Variants in RIMS3 observed in about 807,000 individuals in gnomAD.
RIMS3 encodes regulating synaptic membrane exocytosis 3.
In RIMS3, 15 loss-of-function variants were observed where a neutral mutation model predicts 29.2. That is an observed-to-expected ratio of 0.51 (90% CI 0.34 to 0.79). RIMS3 has a LOEUF of 0.79. Among genes scored for constraint, RIMS3 ranks in the 30% least tolerant of loss-of-function variants. The pLI, the probability that RIMS3 is intolerant of heterozygous loss-of-function variation, is 0.01. For synonymous variants in RIMS3, 161 were observed against 170.1 expected (o/e 0.95, Z 0.41); for missense variants, 342 against 421.4 (o/e 0.81, Z 1.65).
At chr1:40,690,112 A>G in the RIMS3 span, among the ~76,000 whole-genome samples, 3 of 152,348 alleles carry the variant, frequency 2.0e-5, no homozygotes, top group African/African-American at 7.2e-5. Flanking sequence ...GCAGCCCCTA[A>G]GTGTGATCAA....
rs778330166 is a variant in RIMS3, at chr1:40,654,559, A to C, written c.-206-6717T>G. Among the ~76,000 whole-genome samples, 139 of 152,012 alleles carry C rather than the reference A, an allele frequency of 9.1e-4. No individual in the cohort carries two copies. The highest frequency in any genetic ancestry group is 1.7e-3 in the Non-Finnish European group (114 of 67,996). ...AGGCACTCACAGAGCACACACATGC[A>C]CACAAAAACACACCTTGTGCACCAC... is the stretch of plus-strand genomic sequence containing the variant. On this transcript the variant is annotated intron_variant, in intron 1 of 7. Transcript: ENST00000372684. The surrounding 1 kb of genome is among the most constrained non-coding windows in gnomAD (Gnocchi z 5.3).
At chr1:40,684,776 T>C in the RIMS3 span, among the ~76,000 whole-genome samples, 2 of 152,154 alleles carry the variant, frequency 1.3e-5, no homozygotes, top group African/African-American at 4.8e-5. Context: ...GAGTGGATTG[T>C]TATAGCCAGC....
At chr1:40,677,050 G>C in the RIMS3 span, among the ~76,000 whole-genome samples, 13 of 150,608 alleles carry the variant, frequency 8.6e-5, no homozygotes, top group African/African-American at 3.2e-4. Context: ...CCAGGCTGGA[G>C]TGCAGTGGTG....
At chr1:40,638,612 C>T (rs916673896) in intron 3 of RIMS3, among the ~76,000 whole-genome samples, 2 of 152,186 alleles carry the variant, frequency 1.3e-5, no homozygotes, top group African/African-American at 4.8e-5. Flanking sequence ...TCCCAGAGTC[C>T]AGAAGGGGAA....
chr1:40,632,846 G>T (rs1404328800), intron 5 of RIMS3, among the ~76,000 whole-genome samples: 2 of 152,144 alleles, frequency 1.3e-5, no homozygotes, highest in Non-Finnish European at 2.9e-5. Context: ...TCTAATAGGA[G>T]CTCAGTAAAG....
At chr1:40,656,843 A>G (rs535955431) in intron 1 of RIMS3, among the ~76,000 whole-genome samples, 1 of 152,094 alleles carries the variant, frequency 6.6e-6, no homozygotes. Flanking sequence ...CCCTTGGACA[A>G]TCTTGGACTT....
the RIMS3 span, among the ~76,000 whole-genome samples, chr1:40,686,284 A>T: frequency 6.6e-6 from 1 of 152,188 alleles, no homozygotes; most frequent in East Asian, 1.9e-4. Flanking sequence ...ACTTGAACTC[A>T]TGACTTCTCC....
rs1261332655 is a variant in RIMS3, at chr1:40,636,025, G to A, written c.250C>T (p.Arg84Cys). 11 of 1,606,510 alleles carry A rather than the reference G, an allele frequency of 6.8e-6. No homozygotes were observed. The highest frequency in any genetic ancestry group is 1.7e-4 in the Middle Eastern group (1 of 6,058). The change falls in exon 4 of 8, where the codon CGC (arginine) becomes TGC (cysteine). Residue 84 changes from arginine (R) to cysteine (C), a missense_variant. By Grantham distance (180) the Arg-to-Cys change is radical. Transcript: ENST00000372684. The surrounding 1 kb of genome is among the most constrained non-coding windows in gnomAD (Gnocchi z 4.2). ...GATKKLRSNI[R>C]RSTETGIAVE... The stretch of plus-strand genomic sequence containing the variant: ...GCGATGCCTGTCTCCGTGCTCCGGC[G>A]GATGTTGCTGCGCAGCTTCTTGGTG...
chr1:40,675,996 A>G, the RIMS3 span, among the ~76,000 whole-genome samples: 1 of 152,170 alleles, frequency 6.6e-6, no homozygotes, highest in African/African-American at 2.4e-5. Context: ...AAGTAGGATC[A>G]GAGACCAAGA....
the RIMS3 span, among the ~76,000 whole-genome samples, chr1:40,671,239 G>T: frequency 3.0e-4 from 45 of 152,166 alleles, no homozygotes; most frequent in Non-Finnish European, 5.7e-4. Flanking sequence ...ATGATGCCTA[G>T]GCCTTGGGGG....
intron 2 of RIMS3, among the ~76,000 whole-genome samples, chr1:40,643,290 C>G (rs1320717626): frequency 2.0e-5 from 3 of 151,954 alleles, no homozygotes; most frequent in Non-Finnish European, 2.9e-5. Flanking sequence ...CGCCACCAAG[C>G]CTGGCTAATG....
chr1:40,659,797 T>TTG (rs1280739297), intron 1 of RIMS3, among the ~76,000 whole-genome samples: 1 of 152,038 alleles, frequency 6.6e-6, no homozygotes, highest in Non-Finnish European at 1.5e-5. Context: ...CATTCCAGGA[T>TTG]TGGGGACAAC....
At chr1:40,650,340 G>A (rs955910746) in intron 1 of RIMS3, among the ~76,000 whole-genome samples, 4 of 152,178 alleles carry the variant, frequency 2.6e-5, no homozygotes, top group South Asian at 2.1e-4. Flanking sequence ...GAACAATACC[G>A]CCTGAGTCAG....
At chr1:40,691,715 G>C in the RIMS3 span, 3 of 454,304 alleles carry the variant, frequency 6.6e-6, no homozygotes, top group Non-Finnish European at 1.3e-5. Context: ...CAAACGGCGT[G>C]GCCGCCATCT....
rs1219585994 is a variant in RIMS3, at chr1:40,635,540, C to G, written c.359+376G>C. 1.3e-5 allele frequency among the ~76,000 whole-genome samples: 2 copies of G among 152,186 alleles called. No individual in the cohort carries two copies. The highest frequency in any genetic ancestry group is 4.8e-5 in the African/African-American group (2 of 41,440). On this transcript the variant is annotated intron_variant, in intron 4 of 7. Coordinates refer to ENST00000372684, the MANE Select transcript of RIMS3 (RefSeq NM_014747.3). This position sits in a 1 kb window ranked among gnomAD's most constrained non-coding sequence, Gnocchi z 4.1. ...CTAAGCAAGCCTCCTTGAGAAAATTCCACTCATCTGGGCCACAACAATGGT... is the reference window on the plus strand; with the variant it reads ...CTAAGCAAGCCTCCTTGAGAAAATTGCACTCATCTGGGCCACAACAATGGT...
intron 2 of RIMS3, among the ~76,000 whole-genome samples, chr1:40,643,593 T>C (rs850009): frequency 0.78 from 118,717 of 151,600 alleles, 47,170 homozygotes; most frequent in African/African-American, 0.9. Context: ...TCTGGTACCT[T>C]AGCCTCCCAA....
chr1:40,638,745 A>C (rs1181646326), intron 3 of RIMS3, among the ~76,000 whole-genome samples: 3 of 152,204 alleles, frequency 2.0e-5, no homozygotes, highest in South Asian at 2.1e-4. Context: ...CTGGACCCAA[A>C]GCTCTGACCC....
At chr1:40,671,452 G>A in the RIMS3 span, among the ~76,000 whole-genome samples, 2 of 151,634 alleles carry the variant, frequency 1.3e-5, no homozygotes, top group African/African-American at 4.8e-5. Context: ...TGGAGGTGGG[G>A]CCTGGTGGGA....
At chr1:40,675,090 CT>C in the RIMS3 span, among the ~76,000 whole-genome samples, 5 of 151,966 alleles carry the variant, frequency 3.3e-5, no homozygotes, top group Admixed American at 3.3e-4. Flanking sequence ...GAGACTTTGT[CT>C]CTACGAAAGG....
Sources: gnomAD v4.1 joint callset for allele counts (sites outside exome capture counted in the v4.1 genomes callset) on GRCh38, gnomAD v4.1.1 for gene constraint, Gnocchi (gnomAD v3.1) non-coding constraint, MANE v1.5 for transcripts, NCBI Gene and HGNC (gene_info 2026-07-23, HGNC 2026-07-21) for gene names.